The following FRY variants were observed in gnomAD, a reference collection of about 807,000 sequenced individuals.
FRY encodes FRY microtubule binding protein.
FRY carries 128 observed loss-of-function variants against 348.4 expected under a neutral mutation model. The observed-to-expected ratio is 0.37, with a 90% CI of 0.32 to 0.43. The LOEUF (loss-of-function observed/expected upper bound fraction) is 0.43. FRY is among the 20% of genes least tolerant of loss of function. The pLI, the probability that FRY is intolerant of heterozygous loss-of-function variation, is 1.00. For missense variants in FRY, 2,736 were observed against 3,695.2 expected, an observed-to-expected ratio of 0.74 and a Z score of 6.73; for synonymous variants, 1,370 against 1,374.7, an observed-to-expected ratio of 1.00 and a Z score of 0.08.
rs116126652 is a variant in FRY, at chr13:32,059,792, A to T, written c.71-19042A>T. On this transcript the variant is annotated intron_variant, in intron 1 of 60. Coordinates refer to ENST00000542859, the MANE Select transcript of FRY (RefSeq NM_023037.3). ...TTTACCCTCTTCTGTCTGTACACAG[A>T]TAACTCCATAGGCACACTACTGTCT... 6.2e-3 allele frequency among the ~76,000 whole-genome samples: 949 copies of T among 152,306 alleles called. 14 individuals carry two copies. The highest frequency in any genetic ancestry group is 0.022 in the African/African-American group (910 of 41,558).
chr13:32,036,918 C>G (rs1872538434), intron 1 of FRY, among the ~76,000 whole-genome samples: 1 of 151,936 alleles, frequency 6.6e-6, no homozygotes, highest in Non-Finnish European at 1.5e-5. Flanking sequence ...TTTATAGGTA[C>G]TTTCATTTTT....
At chr13:32,279,017 G>A (rs1236386136) in intron 58 of FRY, among the ~76,000 whole-genome samples, 2 of 152,216 alleles carry the variant, frequency 1.3e-5, no homozygotes, top group African/African-American at 4.8e-5. Context: ...AAGAATGGAT[G>A]AAAATCATTC....
chr13:32,214,763 C>T (rs1004092124), intron 35 of FRY, among the ~76,000 whole-genome samples: 1 of 152,134 alleles, frequency 6.6e-6, no homozygotes, highest in Non-Finnish European at 1.5e-5. Context: ...TCCTTATAGG[C>T]AAAGAGCCTA....
chr13:32,098,241 A>G (rs1480532515), intron 2 of FRY, among the ~76,000 whole-genome samples: 1 of 152,104 alleles, frequency 6.6e-6, no homozygotes, highest in African/African-American at 2.4e-5. Flanking sequence ...TGTTCAAAGT[A>G]TACTATTTAG....
intron 1 of FRY, among the ~76,000 whole-genome samples, chr13:32,062,922 A>G (rs1335076755): frequency 1.3e-5 from 2 of 151,788 alleles, no homozygotes; most frequent in African/African-American, 2.4e-5. Flanking sequence ...ATGCATATGC[A>G]TATATATGCA....
rs887063926 is a variant in FRY at position 32,062,170 on chromosome 13, CT to C, written c.71-16655del. Among the ~76,000 whole-genome samples, 60 of 150,892 alleles carry C rather than the reference CT, an allele frequency of 4.0e-4. No homozygotes were observed. The East Asian group carries it at 7.9e-3, about 20-fold the overall frequency. On this transcript the variant is annotated intron_variant, in intron 1 of 60. Transcript: ENST00000542859. The stretch of plus-strand genomic sequence containing the variant: ...GGTTTATAAAGCGTGCATTAAGGAA[CT>C]TTTTTTTTCCTCCCAAGGAATTTTT...
intron 28 of FRY, among the ~76,000 whole-genome samples, 164 bp from the exon 29 acceptor site, chr13:32,193,979 T>C (rs1883518706): frequency 6.6e-6 from 1 of 152,224 alleles, no homozygotes; most frequent in Non-Finnish European, 1.5e-5. Flanking sequence ...AGTTTTCAGT[T>C]ACGACATTAT....
chr13:32,061,058 T>C (rs1566049433), intron 1 of FRY: 1 of 528,484 alleles, frequency 1.9e-6, no homozygotes, highest in Non-Finnish European at 3.9e-6. Flanking sequence ...GAACATGGTC[T>C]GTGTAGCTGT....
chr13:32,216,536 T>C (rs536846468), intron 35 of FRY, among the ~76,000 whole-genome samples: 3 of 152,222 alleles, frequency 2.0e-5, no homozygotes, highest in South Asian at 2.1e-4. Context: ...AAACCCGACA[T>C]AGAGCACAGT....
chr13:32,266,621 G>T (rs1219029452), intron 54 of FRY, among the ~76,000 whole-genome samples: 1 of 152,206 alleles, frequency 6.6e-6, no homozygotes, highest in Non-Finnish European at 1.5e-5. Context: ...CTATAGAAAG[G>T]GAATCTGAAA....
intron 3 of FRY, among the ~76,000 whole-genome samples, chr13:32,106,791 A>G (rs1461329805): frequency 6.6e-6 from 1 of 152,226 alleles, no homozygotes; most frequent in Non-Finnish European, 1.5e-5. Flanking sequence ...AAAGAAAAAG[A>G]AGAAAACCTG....
At chr13:32,218,677 CAAAAAAA>C in intron 35 of FRY, 65 bp from the exon 36 acceptor site, 24 of 573,376 alleles carry the variant, frequency 4.2e-5, no homozygotes, top group Middle Eastern at 4.7e-4. Flanking sequence ...GACTCCAACT[CAAAAAAA>C]AAAAAAAAAA....
In FRY at chr13:32,261,617, G is replaced by T; in HGVS notation, c.7418G>T (p.Gly2473Val). 1.9e-6 allele frequency: 3 copies of T among 1,614,000 alleles called. No homozygotes were observed. Among genetic ancestry groups the T allele is most frequent in the Non-Finnish European group, 2.5e-6 (3 of 1,179,864 alleles). Reference sequence around the variant, plus strand: ...AACCGGCTGATGGTGTGATTTCAGGGTGAGAGTATGGACAATTTCAACTGG... The same window carrying T: ...AACCGGCTGATGGTGTGATTTCAGGTTGAGAGTATGGACAATTTCAACTGG... ...FLDVELEDGE[G>V]ESMDNFNWGV... The change falls in exon 52 of 61, where the codon GGT becomes GTT. Residue 2473 changes from glycine to valine, a missense_variant and splice_region_variant. Physicochemically the swap from Gly to Val is moderately radical, Grantham distance 109. This residue lies in a region of FRY where 789 missense variants were observed against 996.2 expected (regional missense o/e 0.79). Transcript: ENST00000542859.
At chr13:32,202,320 T>C (rs1483278527) in intron 30 of FRY, 36 bp from the exon 31 acceptor site, 3 of 1,533,908 alleles carry the variant, frequency 2.0e-6, no homozygotes, top group African/African-American at 1.4e-5. Flanking sequence ...GCTAATGCTT[T>C]TCATACTACT....
chr13:32,041,920 G>A (rs921167264), intron 1 of FRY, among the ~76,000 whole-genome samples: 4 of 152,192 alleles, frequency 2.6e-5, no homozygotes, highest in African/African-American at 4.8e-5. Flanking sequence ...ATCTGGCAGA[G>A]TAAACTACTT....
chr13:32,154,119 C>T (rs1350359228), intron 14 of FRY, among the ~76,000 whole-genome samples: 1 of 152,130 alleles, frequency 6.6e-6, no homozygotes, highest in Non-Finnish European at 1.5e-5. Flanking sequence ...TATATTAGTA[C>T]TACATCTGCT....
At chr13:32,241,879 T>G (rs531662001) in intron 46 of FRY, among the ~76,000 whole-genome samples, 1 of 152,346 alleles carries the variant, frequency 6.6e-6, no homozygotes, top group East Asian at 1.9e-4. Context: ...CTGTATATAA[T>G]ATATATTAAC....
intron 52 of FRY, 152 bp downstream of exon 52, chr13:32,261,968 C>T: frequency 2.6e-6 from 2 of 765,604 alleles, no homozygotes; most frequent in Admixed American, 2.1e-5. Flanking sequence ...TTCTAGCTGG[C>T]AGAGTCTTCT....
At chr13:32,159,466 A>C (rs1215326881) in intron 16 of FRY, among the ~76,000 whole-genome samples, 1 of 152,222 alleles carries the variant, frequency 6.6e-6, no homozygotes, top group African/African-American at 2.4e-5. Flanking sequence ...AGTACAAAAA[A>C]AGAAAGAAAG....
Sources: allele counts gnomAD v4.1 joint callset (sites outside exome capture counted in the v4.1 genomes callset), GRCh38; gene constraint gnomAD v4.1.1; regional missense constraint gnomAD v4.1.1; transcripts MANE v1.5; gene names NCBI Gene and HGNC (gene_info 2026-07-23, HGNC 2026-07-21).